Variants in ANGPTL2 observed in about 807,000 individuals in gnomAD.
ANGPTL2 encodes the protein angiopoietin like 2.
A neutral mutation model predicts 52.8 loss-of-function variants in ANGPTL2; 25 were observed. The observed-to-expected ratio is 0.47, with a 90% CI of 0.35 to 0.66. The LOEUF (loss-of-function observed/expected upper bound fraction) is 0.66, where lower values mean the gene tolerates loss of function less well. Among genes scored for constraint, ANGPTL2 ranks in the 30% least tolerant of loss-of-function variants. The pLI, the probability that ANGPTL2 is intolerant of heterozygous loss-of-function variation, is 0.01. For synonymous variants in ANGPTL2, 276 were observed against 277.4 expected, an observed-to-expected ratio of 1.00 and a Z score of 0.05; for missense variants, 546 against 656.9, an observed-to-expected ratio of 0.83 and a Z score of 1.84.
chr9:127,107,949 G>A lies in ANGPTL2; in HGVS notation c.783C>T (p.Leu261=). The change falls in exon 2 of 5, where the codon CTC becomes CTT. Residue 261 remains leucine (L), a synonymous_variant. Transcript: ENST00000373425. Reference sequence around the variant, plus strand: ...TGTCGGTGGAAGATGGGAGGCTGGTGAGAGTGGGCATAGTGGGCAGAGGGG... The same window carrying A: ...TGTCGGTGGAAGATGGGAGGCTGGTAAGAGTGGGCATAGTGGGCAGAGGGG... ...LPPPLPTMPT[L]TSLPSSTDKP... 6.5e-7 allele frequency: 1 copy of A among 1,545,942 alleles called. No individual in the cohort carries two copies. Among genetic ancestry groups the A allele is most frequent in the African/African-American group, 1.4e-5 (1 of 73,478 alleles).
At chr9:127,101,932 T>C (rs1199734827) in intron 2 of ANGPTL2, among the ~76,000 whole-genome samples, 1 of 152,162 alleles carries the variant, frequency 6.6e-6, no homozygotes, top group Admixed American at 6.5e-5. Context: ...AAGGATCACA[T>C]AAATACTCCA....
intron 2 of ANGPTL2, among the ~76,000 whole-genome samples, chr9:127,099,210 G>C (rs1203043427): frequency 6.6e-6 from 1 of 152,202 alleles, no homozygotes; most frequent in Admixed American, 6.5e-5. Flanking sequence ...GGACCCTGTG[G>C]CCTGTGGGAA....
At chr9:127,106,645 A>G (rs1377738041) in intron 2 of ANGPTL2, among the ~76,000 whole-genome samples, 2 of 152,152 alleles carry the variant, frequency 1.3e-5, no homozygotes, top group South Asian at 2.1e-4. Context: ...CCTGCTCTCA[A>G]TCCTGCACCC....
chr9:127,108,306 C>A lies in ANGPTL2; in HGVS notation c.426G>T (p.Leu142=), dbSNP rs2054443026. The change falls in exon 2 of 5, where the codon CTG becomes CTT. Residue 142 remains leucine, a synonymous_variant. Transcript: ENST00000373425. The stretch of plus-strand genomic sequence containing the variant: ...TGTCCCGCTTGCGGATGATCTCGTG[C>A]AGGAGCTGCATGTAGAGCTGCGTGA... ...SRVTQLYMQL[L]HEIIRKRDNA... is the part of the protein sequence containing the mutation. The A allele has an allele frequency of 6.2e-7, 1 of 1,613,778 alleles. No individual in the cohort carries two copies. The highest frequency in any genetic ancestry group is 8.5e-7 in the Non-Finnish European group (1 of 1,179,952).
At chr9:127,095,610 A>G (rs1289377573) in intron 2 of ANGPTL2, among the ~76,000 whole-genome samples, 1 of 152,174 alleles carries the variant, frequency 6.6e-6, no homozygotes, top group Non-Finnish European at 1.5e-5. Flanking sequence ...AGCTGACCTC[A>G]CTACCTCCTC....
chr9:127,095,146 C>T (rs1425550549), intron 2 of ANGPTL2, among the ~76,000 whole-genome samples: 1 of 152,236 alleles, frequency 6.6e-6, no homozygotes, highest in African/African-American at 2.4e-5. Context: ...CGCCTGTAAT[C>T]CCAGCACTTT....
At chr9:127,100,784 C>T (rs1251102611) in intron 2 of ANGPTL2, among the ~76,000 whole-genome samples, 4 of 152,300 alleles carry the variant, frequency 2.6e-5, no homozygotes, top group South Asian at 2.1e-4. Flanking sequence ...CCATAGTTGG[C>T]GAGTGTATTA....
chr9:127,108,191 G>A lies in ANGPTL2; in HGVS notation c.541C>T (p.His181Tyr). The A allele has an allele frequency of 6.2e-7, 1 of 1,614,088 alleles. No homozygotes were observed. The highest frequency in any genetic ancestry group is 8.5e-7 in the Non-Finnish European group (1 of 1,180,016). ...QLASKYKDLE[H>Y]KYQHLATLAH... is the part of the protein sequence containing the mutation. ...AGTGTGGCCAGGTGCTGGTACTTGT[G>A]CTCCAGGTCCTTGTACTTGCTGGCC... Residue 181 changes from histidine to tyrosine, a missense_variant, in exon 2 of 5, where the codon CAC becomes TAC. Physicochemically the swap from His to Tyr is moderately conservative, Grantham distance 83. Around this residue, in one of 2 missense-constraint regions of ANGPTL2, gnomAD observed 285 missense variants for 295.8 expected, o/e 0.96. Transcript: ENST00000373425.
At chr9:127,092,352 G>A (rs2052587620) in intron 3 of ANGPTL2, among the ~76,000 whole-genome samples, 2 of 152,130 alleles carry the variant, frequency 1.3e-5, no homozygotes, top group Non-Finnish European at 2.9e-5. Context: ...TGAGGGTCAC[G>A]TGTAAGCTGT....
intron 1 of ANGPTL2, among the ~76,000 whole-genome samples, chr9:127,121,646 G>A (rs530309479): frequency 9.3e-5 from 14 of 150,736 alleles, no homozygotes; most frequent in African/African-American, 1.9e-4. Flanking sequence ...GTCCCCTTGC[G>A]GGGGTACCAG....
chr9:127,115,938 C>T (rs999335180), intron 1 of ANGPTL2, among the ~76,000 whole-genome samples: 14 of 152,310 alleles, frequency 9.2e-5, no homozygotes, highest in African/African-American at 3.4e-4. Flanking sequence ...CTCCAGCTGC[C>T]CTCCCCTCCT....
chr9:127,101,209 C>T (rs1354109503), intron 2 of ANGPTL2, among the ~76,000 whole-genome samples: 1 of 152,260 alleles, frequency 6.6e-6, no homozygotes, highest in Admixed American at 6.5e-5. Context: ...TAGAGCCTTT[C>T]ACCTGCCATG....
chr9:127,106,678 T>G (rs1332215065), intron 2 of ANGPTL2, among the ~76,000 whole-genome samples: 2 of 152,168 alleles, frequency 1.3e-5, no homozygotes. Context: ...TCCTTTGAGG[T>G]GCTGCAGTGG....
intron 1 of ANGPTL2, among the ~76,000 whole-genome samples, chr9:127,113,003 C>T (rs1209099271): frequency 1.3e-5 from 2 of 152,142 alleles, no homozygotes. Flanking sequence ...GGTCATGTTG[C>T]GAGCAGTGGG....
chr9:127,108,327 C>T lies in ANGPTL2; in HGVS notation c.405G>A (p.Thr135=), dbSNP rs778627898. ...CGTGCAGGAGCTGCATGTAGAGCTG[C>T]GTGACCCGCGAGTTCATGTTGCGGC... ...KESRNMNSRV[T]QLYMQLLHEI... Residue 135 remains threonine, a synonymous_variant, in exon 2 of 5, where the codon ACG becomes ACA. Coordinates refer to ENST00000373425, the MANE Select transcript of ANGPTL2 (RefSeq NM_012098.3). 6.2e-7 allele frequency: 1 copy of T among 1,613,524 alleles called. No homozygotes were observed. Among genetic ancestry groups the T allele is most frequent in the Non-Finnish European group, 8.5e-7 (1 of 1,179,726 alleles).
chr9:127,089,272 C>G (rs2052156016), intron 4 of ANGPTL2, 134 bp from the exon 5 acceptor site: 1 of 883,736 alleles, frequency 1.1e-6, no homozygotes, highest in East Asian at 2.6e-5. Flanking sequence ...GGACCCGTCT[C>G]CATGGGTGGT....
intron 2 of ANGPTL2, 131 bp from the exon 3 acceptor site, chr9:127,094,057 C>T: frequency 7.8e-6 from 8 of 1,022,180 alleles, no homozygotes; most frequent in Non-Finnish European, 1.1e-5. Context: ...TCTGAGGTAA[C>T]CAATTTTTGT....
chr9:127,092,722 C>A (rs1328205086), intron 3 of ANGPTL2, among the ~76,000 whole-genome samples: 2 of 152,098 alleles, frequency 1.3e-5, no homozygotes, highest in African/African-American at 4.8e-5. Flanking sequence ...GGATTTGAAC[C>A]AAGAACCCAG....
intron 2 of ANGPTL2, among the ~76,000 whole-genome samples, chr9:127,098,197 T>C (rs2053348375): frequency 6.6e-6 from 1 of 152,258 alleles, no homozygotes; most frequent in South Asian, 2.1e-4. Context: ...CACAAAGATA[T>C]ATTGACATGA....
Sources: gnomAD v4.1 joint callset for allele counts (sites outside exome capture counted in the v4.1 genomes callset) on GRCh38, gnomAD v4.1.1 for gene constraint, gnomAD v4.1.1 regional missense constraint, MANE v1.5 for transcripts, NCBI Gene and HGNC (gene_info 2026-07-23, HGNC 2026-07-21) for gene names.